Variants in ZNF81 observed in about 807,000 individuals in gnomAD.
The protein encoded by ZNF81 is zinc finger protein 81 (HFZ20).
Under a neutral mutation model 32.3 loss-of-function variants are expected in ZNF81, and 5 were observed. That is an observed-to-expected ratio of 0.15 (90% CI 0.08 to 0.33). The LOEUF (loss-of-function observed/expected upper bound fraction) is 0.33. Ranked by LOEUF, ZNF81 falls within the 10% of genes least tolerant of loss-of-function variation. ZNF81 has a pLI of 1.00. For synonymous variants in ZNF81, 163 were observed against 166.8 expected, an observed-to-expected ratio of 0.98 and a Z score of 0.17; for missense variants, 379 against 479.8, an observed-to-expected ratio of 0.79 and a Z score of 1.96.
chrX:47,922,442 A>G lies in ZNF81; in HGVS notation c.*5810A>G, dbSNP rs1373559054. Among the ~76,000 whole-genome samples, 2 of 112,245 alleles carry G rather than the reference A, an allele frequency of 1.8e-5. No homozygotes were observed. The highest frequency in any genetic ancestry group is 2.8e-4 in the East Asian group (1 of 3,607). ...TACAATAATGTATTAAACTATTTGC[A>G]TTGTTAAAATTTATTCACTCCCATT... is the stretch of plus-strand genomic sequence containing the variant. On this transcript the variant is annotated 3_prime_UTR_variant, in exon 5 of 5. Coordinates refer to ENST00000338637, the MANE Select transcript of ZNF81 (RefSeq NM_007137.5).
intron 2 of ZNF81, chrX:47,861,166 G>T (rs1413225180): frequency 9.0e-6 from 1 of 111,668 alleles, no homozygotes; most frequent in Non-Finnish European, 1.9e-5. Context: ...CTTCTGATTG[G>T]TGTCTGAAGT....
intron 2 of ZNF81, among the ~76,000 whole-genome samples, chrX:47,883,932 A>T (rs1393714975): frequency 1.0e-5 from 1 of 99,844 alleles, no homozygotes; most frequent in Admixed American, 1.1e-4. Context: ...AAGTGATGGG[A>T]TGGCCCTTCT....
chrX:47,852,550 T>C (rs187613542), intron 2 of ZNF81, among the ~76,000 whole-genome samples: 73 of 112,413 alleles, frequency 6.5e-4, no homozygotes, highest in Admixed American at 1.7e-3. Context: ...GTAGATTCTG[T>C]CTCAAGAAAT....
intron 2 of ZNF81, among the ~76,000 whole-genome samples, chrX:47,868,547 C>G (rs1440739874): frequency 2.7e-5 from 3 of 111,321 alleles, no homozygotes; most frequent in African/African-American, 6.5e-5. Flanking sequence ...CAATTCTATA[C>G]TGTTTTCCAT....
chrX:47,852,850 A>G (rs1241815907), intron 2 of ZNF81, among the ~76,000 whole-genome samples: 2 of 112,743 alleles, frequency 1.8e-5, no homozygotes, highest in Non-Finnish European at 3.7e-5. Context: ...GAGGTTTTCA[A>G]TTTACTTTGC....
At position 47,916,450 on chromosome X, in the gene ZNF81, C is replaced by T; in HGVS notation, c.1804C>T (p.Arg602Ter). ...SKKPHLKVHQ[R>*]IHTGEKPYIC... ...GAAACCACATCTCAAAGTACATCAA[C>T]GAATTCACACAGGGGAGAAACCATA... Residue 602 changes from arginine to a stop codon, truncating the protein, a stop_gained, in exon 5 of 5, where the codon CGA becomes TGA. Coordinates refer to ENST00000338637, the MANE Select transcript of ZNF81 (RefSeq NM_007137.5). LOFTEE classifies it high-confidence loss of function. 1 of 1,210,216 alleles carries T rather than the reference C, an allele frequency of 8.3e-7. No individual in the cohort carries two copies. The highest frequency in any genetic ancestry group is 1.1e-6 in the Non-Finnish European group (1 of 894,988).
intron 2 of ZNF81, among the ~76,000 whole-genome samples, chrX:47,852,973 T>C (rs1277243395): frequency 8.9e-6 from 1 of 112,664 alleles, no homozygotes; most frequent in African/African-American, 3.2e-5. Flanking sequence ...TCCAGAATCA[T>C]GTTGTGTTAA....
rs58118051 is a variant in ZNF81, at chrX:47,849,386, A to G, written c.54+3065A>G. ...TCACTTCCTTTAAGAAGAAAATCAC[A>G]GCTGGGCGCGGTGGCTCACACCTGT... On this transcript the variant is annotated intron_variant, in intron 2 of 4. Transcript: ENST00000338637. Among the ~76,000 whole-genome samples the G allele has an allele frequency of 9.9e-3, 1,101 of 111,623 alleles. 14 individuals are homozygous for G. Among genetic ancestry groups the G allele is most frequent in the African/African-American group, 0.035 (1,068 of 30,706 alleles).
chrX:47,912,925 CA>C (rs1317302711), intron 4 of ZNF81, among the ~76,000 whole-genome samples: 1 of 111,218 alleles, frequency 9.0e-6, no homozygotes, highest in Non-Finnish European at 1.9e-5. Flanking sequence ...CTGTTAAATG[CA>C]AAAGAATGGG....
chrX:47,850,669 A>G, intron 2 of ZNF81, among the ~76,000 whole-genome samples: 1 of 104,921 alleles, frequency 9.5e-6, no homozygotes, highest in Non-Finnish European at 2.0e-5. Flanking sequence ...CTATTTCCAG[A>G]TTGTGGTGGT....
At position 47,877,708 on chromosome X, in the gene ZNF81, A is replaced by G. The variant is rs141930496; in HGVS notation, c.55-10291A>G. Among the ~76,000 whole-genome samples the G allele has an allele frequency of 4.0e-3, 454 of 112,104 alleles. 2 individuals carry two copies. Among genetic ancestry groups the G allele is most frequent in the African/African-American group, 0.014 (422 of 30,812 alleles). The stretch of plus-strand genomic sequence containing the variant: ...GCAACTTCTTATTTTTAAGATGTCC[A>G]TTTTAAGCTGGCACATTTGCTGCTC... On this transcript the variant is annotated intron_variant, in intron 2 of 4. Coordinates refer to ENST00000338637, the MANE Select transcript of ZNF81 (RefSeq NM_007137.5).
intron 3 of ZNF81, among the ~76,000 whole-genome samples, chrX:47,892,161 CTG>C (rs2058664790): frequency 8.9e-6 from 1 of 112,033 alleles, no homozygotes; most frequent in Non-Finnish European, 1.9e-5. Flanking sequence ...CCATAGGTCT[CTG>C]TGAATCAGAC....
chrX:47,917,064 A>G lies in ZNF81; in HGVS notation c.*432A>G, dbSNP rs1474658337. On this transcript the variant is annotated 3_prime_UTR_variant, in exon 5 of 5. Coordinates refer to ENST00000338637, the MANE Select transcript of ZNF81 (RefSeq NM_007137.5). ...CAGCAAAATAATATAACTGGTGAGTAGACCTACTTTCAGTTCCATAGGGTG... is the reference window on the plus strand; with the variant it reads ...CAGCAAAATAATATAACTGGTGAGTGGACCTACTTTCAGTTCCATAGGGTG... 2 of 283,254 alleles carry G rather than the reference A, an allele frequency of 7.1e-6. No individual in the cohort carries two copies. The highest frequency in any genetic ancestry group is 1.2e-5 in the Non-Finnish European group (2 of 161,512). 23.3% of individuals were successfully genotyped at this position (283,254 alleles called of 1,213,427 possible).
At chrX:47,911,779 T>C (rs973308774) in intron 4 of ZNF81, among the ~76,000 whole-genome samples, 1 of 111,666 alleles carries the variant, frequency 9.0e-6, no homozygotes, top group Non-Finnish European at 1.9e-5. Flanking sequence ...CTTTTGACAT[T>C]CAGAAGAAAA....
At chrX:47,839,919 G>A (rs1468485632) in intron 1 of ZNF81, among the ~76,000 whole-genome samples, 1 of 80,193 alleles carries the variant, frequency 1.2e-5, no homozygotes. Context: ...TTAAAATATT[G>A]TGAGTTTTTT....
In ZNF81 at chrX:47,922,639, G is replaced by A. The variant is rs1374676519; in HGVS notation, c.*6007G>A. ...AAGTTAGTTAACCTCTGTCCTGATG[G>A]TTTTCATCTATAAAAGATGTACACA... On this transcript the variant is annotated 3_prime_UTR_variant, in exon 5 of 5. Transcript: ENST00000338637. Among the ~76,000 whole-genome samples, 3 of 111,478 alleles carry A rather than the reference G, an allele frequency of 2.7e-5. No homozygotes were observed. The highest frequency in any genetic ancestry group is 9.8e-5 in the African/African-American group (3 of 30,592).
rs1271685128 is a variant in ZNF81, at chrX:47,922,611, G to A, written c.*5979G>A. ...CAATTTACTAGTTTATGTGACCTTG[G>A]GAAAGTTAGTTAACCTCTGTCCTGA... On this transcript the variant is annotated 3_prime_UTR_variant, in exon 5 of 5. Coordinates refer to ENST00000338637, the MANE Select transcript of ZNF81 (RefSeq NM_007137.5). Among the ~76,000 whole-genome samples, 1 of 111,339 alleles carries A rather than the reference G, an allele frequency of 9.0e-6. No homozygotes were observed. Among genetic ancestry groups the A allele is most frequent in the Non-Finnish European group, 1.9e-5 (1 of 53,030 alleles).
Position 47,922,091 on chromosome X carries a change from T to C in ZNF81, c.*5459T>C. The stretch of plus-strand genomic sequence containing the variant: ...GTTAACTGTTTTAAGTCACTAAGTT[T>C]TGGGCAGCATGATAACAACCCAGCA... On this transcript the variant is annotated 3_prime_UTR_variant, in exon 5 of 5. Coordinates refer to ENST00000338637, the MANE Select transcript of ZNF81 (RefSeq NM_007137.5). 8.9e-6 allele frequency: 1 copy of C among 112,111 alleles called. No homozygotes were observed. The highest frequency in any genetic ancestry group is 1.9e-5 in the Non-Finnish European group (1 of 53,227). The allele number at this position is 112,111 out of a possible 1,213,427, so 9.2% of individuals were successfully genotyped here.
intron 2 of ZNF81, among the ~76,000 whole-genome samples, chrX:47,859,689 G>A (rs1556882322): frequency 9.0e-6 from 1 of 111,593 alleles, no homozygotes; most frequent in Non-Finnish European, 1.9e-5. Flanking sequence ...ACAGTGTCCT[G>A]GATGCTGGCA....
Sources: allele counts gnomAD v4.1 joint callset (sites outside exome capture counted in the v4.1 genomes callset), GRCh38; gene constraint gnomAD v4.1.1; transcripts MANE v1.5; gene names NCBI Gene and HGNC (gene_info 2026-07-23, HGNC 2026-07-21).